Variants in MKNK1 observed in about 807,000 individuals in gnomAD.
The protein encoded by MKNK1 is MAPK interacting serine/threonine kinase 1.
MKNK1 carries 30 observed loss-of-function variants against 49.3 expected under a neutral mutation model. The observed-to-expected ratio is 0.61, with a 90% CI of 0.46 to 0.83. The LOEUF (loss-of-function observed/expected upper bound fraction) is 0.83, where lower values mean the gene tolerates loss of function less well. Among genes scored for constraint, MKNK1 ranks in the 40% least tolerant of loss-of-function variants. The pLI, the probability that MKNK1 is intolerant of heterozygous loss-of-function variation, is 0.00. For missense variants in MKNK1, 423 were observed against 524.7 expected (o/e 0.81, Z 1.89); for synonymous variants, 176 against 201.7 (o/e 0.87, Z 1.08).
chr1:46,581,439 G>T (rs571140030), intron 3 of MKNK1, among the ~76,000 whole-genome samples: 1 of 149,018 alleles, frequency 6.7e-6, no homozygotes, highest in African/African-American at 2.5e-5. Context: ...GAACCCGAGA[G>T]GCGGAGGTTG....
At position 46,597,798 on chromosome 1, in the gene MKNK1, C is replaced by T. The variant is rs1570337961; in HGVS notation, c.-170-3518G>A. Among the ~76,000 whole-genome samples, 4 of 152,306 alleles carry T rather than the reference C, an allele frequency of 2.6e-5. 1 individual carries two copies. Among genetic ancestry groups the T allele is most frequent in the Admixed American group, 2.6e-4 (4 of 15,298 alleles). ...ATAATTGTTAATGAATGGATGGAAACAGCTGAAGTTATTCTTCCCTTAAGC... is the reference window on the plus strand; with the variant it reads ...ATAATTGTTAATGAATGGATGGAAATAGCTGAAGTTATTCTTCCCTTAAGC... On this transcript the variant is annotated intron_variant, in intron 1 of 12. Transcript: ENST00000371945.
At chr1:46,571,914 T>C (rs2148640278) in intron 7 of MKNK1, 149 bp downstream of exon 7, 1 of 680,216 alleles carries the variant, frequency 1.5e-6, no homozygotes, top group Non-Finnish European at 2.6e-6. Flanking sequence ...TGTTTCTCCC[T>C]CAACTCCCAT....
chr1:46,565,608 G>A (rs74075321), intron 8 of MKNK1, among the ~76,000 whole-genome samples: 2,423 of 152,224 alleles, frequency 0.016, 68 homozygotes, highest in African/African-American at 0.055. Flanking sequence ...GTTTAAACAC[G>A]GAAACTCCTG....
At chr1:46,560,332 C>T in intron 11 of MKNK1, 55 bp from the exon 12 acceptor site, 2 of 1,586,234 alleles carry the variant, frequency 1.3e-6, no homozygotes, top group South Asian at 1.1e-5. Flanking sequence ...CTTTCAAGAA[C>T]TGCCCCACCC....
chr1:46,585,249 C>CAAAAAAAAAAAAAAAAAAAAAAAAA (rs58692301), intron 2 of MKNK1, among the ~76,000 whole-genome samples: 2 of 62,114 alleles, frequency 3.2e-5, no homozygotes, highest in East Asian at 5.6e-4. Context: ...GATTCCGTCT[C>CAAAAAAAAAAAAAAAAAAAAAAAAA]AAAAAAAAAA....
chr1:46,561,209 C>A (rs182479280), intron 11 of MKNK1, among the ~76,000 whole-genome samples: 1 of 152,186 alleles, frequency 6.6e-6, no homozygotes, highest in African/African-American at 2.4e-5. Flanking sequence ...AGGATGCTTG[C>A]GGGGCTGGGT....
Position 46,594,205 on chromosome 1 carries a change from G to C in MKNK1, c.-95C>G. 7.2e-7 allele frequency: 1 copy of C among 1,394,518 alleles called. No individual in the cohort carries two copies. The highest frequency in any genetic ancestry group is 1.2e-5 in the South Asian group (1 of 86,650). The allele number at this position is 1,394,518 out of a possible 1,614,324, so 86.4% of individuals were successfully genotyped here. ...CCTGTCAGGAAGTTGGTGTCTTCCA[G>C]CTACACGAAGTGTCTCAATGGCCTT... On this transcript the variant is annotated 5_prime_UTR_variant, in exon 2 of 13. Transcript: ENST00000371945.
chr1:46,579,440 C>A (rs1375773048), intron 4 of MKNK1, among the ~76,000 whole-genome samples: 2 of 152,192 alleles, frequency 1.3e-5, no homozygotes, highest in Non-Finnish European at 2.9e-5. Context: ...GAGATCCAGA[C>A]CCTATCCTAC....
In MKNK1 at chr1:46,583,335, A is replaced by T. The variant is rs1672026581; in HGVS notation, c.-2-6T>A. On this transcript the variant is annotated splice_polypyrimidine_tract_variant and splice_region_variant and intron_variant, in intron 2 of 12. Coordinates refer to ENST00000371945, the MANE Select transcript of MKNK1 (RefSeq NM_001135553.4). ...GGGTTCGCTACTGCCCATCTCTAGGAGATAAGAGGAGATGTAAGGGAAACA... is the reference window on the plus strand; with the variant it reads ...GGGTTCGCTACTGCCCATCTCTAGGTGATAAGAGGAGATGTAAGGGAAACA... 1 of 1,598,566 alleles carries T rather than the reference A, an allele frequency of 6.3e-7. No individual in the cohort carries two copies. The highest frequency in any genetic ancestry group is 1.1e-5 in the South Asian group (1 of 90,658).
At chr1:46,604,058 A>G (rs10890407) in intron 1 of MKNK1, 127 bp downstream of exon 1, 77,541 of 152,020 alleles carry the variant, frequency 0.51, 20,452 homozygotes, top group East Asian at 0.91. Flanking sequence ...GTCCCTCCGC[A>G]GCTGAATCGC....
At chr1:46,575,086 T>C in intron 5 of MKNK1, 66 bp from the exon 6 acceptor site, 1 of 1,013,262 alleles carries the variant, frequency 9.9e-7, no homozygotes, top group South Asian at 1.5e-5. Context: ...AAAGTCTACT[T>C]ACAAATATAC....
chr1:46,571,417 C>G (rs1169601984), intron 7 of MKNK1: 1 of 310,908 alleles, frequency 3.2e-6, no homozygotes, highest in Non-Finnish European at 6.3e-6. Flanking sequence ...TGGCACACAC[C>G]TGTAGTCCCA....
intron 9 of MKNK1, among the ~76,000 whole-genome samples, chr1:46,564,397 G>A (rs867003577): frequency 2.6e-5 from 4 of 151,618 alleles, no homozygotes; most frequent in African/African-American, 9.7e-5. Context: ...ATGCAAAAGG[G>A]CTGGCCTGGG....
Position 46,574,954 on chromosome 1 carries a change from C to A in MKNK1, c.345G>T (p.Leu115Phe). 6.2e-7 allele frequency: 1 copy of A among 1,611,120 alleles called. No homozygotes were observed. The highest frequency in any genetic ancestry group is 8.5e-7 in the Non-Finnish European group (1 of 1,177,508). The change falls in exon 6 of 13, where the codon TTG (leucine) becomes TTT (phenylalanine). Residue 115 changes from leucine (L) to phenylalanine (F), a missense_variant. Physicochemically the swap from Leu to Phe is conservative, Grantham distance 22. Transcript: ENST00000371945. ...ATACTCAACGGTAAGTACCTCCTTG[C>A]AATTTCTCAAAGACCAAGTAAAACC... ...DTRFYLVFEK[L>F]QGGSILAHIQ...
At chr1:46,601,591 T>C (rs1674738824) in intron 1 of MKNK1, among the ~76,000 whole-genome samples, 1 of 152,232 alleles carries the variant, frequency 6.6e-6, no homozygotes, top group Non-Finnish European at 1.5e-5. Context: ...ATGGCTGCAA[T>C]GAAGAATGCC....
intron 5 of MKNK1, chr1:46,575,586 C>G (rs1372155039): frequency 1.3e-5 from 2 of 152,340 alleles, no homozygotes; most frequent in East Asian, 3.8e-4. Flanking sequence ...GTGGCCTTCC[C>G]CGGTGAGCAC....
chr1:46,594,030 A>C, intron 2 of MKNK1, 83 bp downstream of exon 2: 2 of 1,092,742 alleles, frequency 1.8e-6, no homozygotes, highest in South Asian at 2.8e-5. Context: ...ACGGTCTCTT[A>C]CCCGCCCTTT....
intron 7 of MKNK1, chr1:46,569,871 C>G (rs1285821851): frequency 6.6e-6 from 1 of 152,236 alleles, no homozygotes; most frequent in Non-Finnish European, 1.5e-5. Flanking sequence ...CAAATAGGCG[C>G]CCATGGCCCA....
chr1:46,572,222 G>GTT (rs1050083097), intron 6 of MKNK1, 55 bp from the exon 7 acceptor site: 145 of 1,294,218 alleles, frequency 1.1e-4, no homozygotes, highest in Middle Eastern at 1.9e-4. Context: ...GTAAGTATAA[G>GTT]TTTTTTTTTT....
Sources: gnomAD v4.1 joint callset for allele counts (sites outside exome capture counted in the v4.1 genomes callset) on GRCh38, gnomAD v4.1.1 for gene constraint, MANE v1.5 for transcripts, NCBI Gene and HGNC (gene_info 2026-07-23, HGNC 2026-07-21) for gene names.